NHS: variants seen among roughly 807,000 people sequenced by gnomAD.
The protein encoded by NHS is actin remodeling regulator NHS.
NHS carries 5 observed loss-of-function variants against 72.5 expected under a neutral mutation model. That is an observed-to-expected ratio of 0.07 (90% confidence interval 0.04 to 0.14). NHS has a LOEUF of 0.14. Among genes scored for constraint, NHS ranks in the 10% least tolerant of loss-of-function variants. NHS has a pLI of 1.00. For missense variants in NHS, 1,072 were observed against 1,355.7 expected, an observed-to-expected ratio of 0.79 and a Z score of 3.29; for synonymous variants, 464 against 547.7, an observed-to-expected ratio of 0.85 and a Z score of 2.13.
Position 17,375,752 on chromosome X carries a change from C to T in NHS, c.-6C>T. 8.7e-7 allele frequency: 1 copy of T among 1,153,426 alleles called. No individual in the cohort carries two copies. ...AGACCAGAAAGTCGCCGCCTGGCTGCGCGGGATGCCTTTCGCCAAGCGGAT... is the reference window on the plus strand; with the variant it reads ...AGACCAGAAAGTCGCCGCCTGGCTGTGCGGGATGCCTTTCGCCAAGCGGAT... On this transcript the variant is annotated 5_prime_UTR_variant, in exon 1 of 9. Coordinates refer to ENST00000676302, the MANE Select transcript of NHS (RefSeq NM_001291867.2).
At chrX:17,509,337 G>A (rs1215603461) in intron 1 of NHS, among the ~76,000 whole-genome samples, 3 of 110,057 alleles carry the variant, frequency 2.7e-5, no homozygotes, top group Non-Finnish European at 3.8e-5. Flanking sequence ...AGTGATTCTC[G>A]TGTCTCAGCC....
At chrX:17,689,784 G>T (rs1336283375) in intron 2 of NHS, among the ~76,000 whole-genome samples, 1 of 111,762 alleles carries the variant, frequency 8.9e-6, no homozygotes, top group African/African-American at 3.3e-5. Flanking sequence ...TCCTTTCTCA[G>T]GTCCCATCAT....
chrX:17,410,490 T>C (rs1601693751), intron 1 of NHS, among the ~76,000 whole-genome samples: 1 of 108,338 alleles, frequency 9.2e-6, no homozygotes, highest in East Asian at 2.9e-4. Flanking sequence ...GGAAACCAGA[T>C]TGACCTTTCT....
intron 1 of NHS, among the ~76,000 whole-genome samples, chrX:17,480,394 A>T (rs1380547600): frequency 8.9e-6 from 1 of 112,207 alleles, no homozygotes; most frequent in African/African-American, 3.2e-5. Flanking sequence ...CTACAAGGCT[A>T]CAGTAACCAA....
At chrX:17,433,108 C>T (rs1162802295) in intron 1 of NHS, among the ~76,000 whole-genome samples, 1 of 108,774 alleles carries the variant, frequency 9.2e-6, no homozygotes, top group East Asian at 2.9e-4. Flanking sequence ...CGGCTCACTG[C>T]AAGCTCTCCC....
chrX:17,606,968 C>T (rs1472590999), intron 1 of NHS, among the ~76,000 whole-genome samples: 5 of 112,167 alleles, frequency 4.5e-5, no homozygotes, highest in Non-Finnish European at 9.4e-5. Context: ...TTATGATCTT[C>T]GTTTTAAACG....
chrX:17,384,968 TCTTC>T, intron 1 of NHS, among the ~76,000 whole-genome samples: 1 of 112,078 alleles, frequency 8.9e-6, no homozygotes, highest in Non-Finnish European at 1.9e-5. Flanking sequence ...CATCAAGAAT[TCTTC>T]ATGAATCCTA....
At chrX:17,428,056 G>A (rs1371019439) in intron 1 of NHS, among the ~76,000 whole-genome samples, 1 of 111,674 alleles carries the variant, frequency 9.0e-6, no homozygotes, top group Non-Finnish European at 1.9e-5. Context: ...TAAGTCTGAG[G>A]AGCACTGGTG....
At chrX:17,507,586 C>T (rs575122522) in intron 1 of NHS, among the ~76,000 whole-genome samples, 3 of 112,052 alleles carry the variant, frequency 2.7e-5, no homozygotes, top group Non-Finnish European at 3.8e-5. Flanking sequence ...CCTTTTAGAA[C>T]GTAAGGCACT....
chrX:17,537,867 C>T lies in NHS; in HGVS notation c.566-149875C>T, dbSNP rs774558537. 6.7e-4 allele frequency among the ~76,000 whole-genome samples: 75 copies of T among 111,488 alleles called. 1 individual carries two copies. Among genetic ancestry groups the T allele is most frequent in the African/African-American group, 2.3e-3 (70 of 30,633 alleles). Reference sequence around the variant, plus strand: ...AATGCCCGACTGGAGGCTGGGGGCACGCGACGCCTGAATTGAATTTGGGCA... The same window carrying T: ...AATGCCCGACTGGAGGCTGGGGGCATGCGACGCCTGAATTGAATTTGGGCA... On this transcript the variant is annotated intron_variant, in intron 1 of 8. Coordinates refer to ENST00000676302, the MANE Select transcript of NHS (RefSeq NM_001291867.2).
rs149991870 is a variant in NHS, at chrX:17,685,486, C to T, written c.566-2256C>T. On this transcript the variant is annotated intron_variant, in intron 1 of 8. Coordinates refer to ENST00000676302, the MANE Select transcript of NHS (RefSeq NM_001291867.2). ...ATTACTCTTTGTATCTGTGAATTCA[C>T]AGTCCCAAGCAGCAGGCAGAGTTTA... is the stretch of plus-strand genomic sequence containing the variant. Among the ~76,000 whole-genome samples, 557 of 111,781 alleles carry T rather than the reference C, an allele frequency of 5.0e-3. 3 individuals carry two copies. Among genetic ancestry groups the T allele is most frequent in the African/African-American group, 0.018 (546 of 30,737 alleles).
rs187156620 is a variant in NHS at position 17,418,999 on chromosome X, T to C, written c.565+42677T>C. Among the ~76,000 whole-genome samples the C allele has an allele frequency of 4.0e-3, 447 of 112,654 alleles. 1 individual carries two copies. Among genetic ancestry groups the C allele is most frequent in the African/African-American group, 0.013 (410 of 31,051 alleles). On this transcript the variant is annotated intron_variant, in intron 1 of 8. Coordinates refer to ENST00000676302, the MANE Select transcript of NHS (RefSeq NM_001291867.2). ...CTTCCTTCTCTTGTGTATGTATTTG[T>C]GGATAGAACCAAAAAGGAATGGGAT...
At chrX:17,384,948 G>A (rs2064398257) in intron 1 of NHS, among the ~76,000 whole-genome samples, 2 of 111,787 alleles carry the variant, frequency 1.8e-5, no homozygotes, top group African/African-American at 6.5e-5. Context: ...ATTCCTGAAC[G>A]TTTTTCTTGC....
At chrX:17,619,046 G>A (rs2065760243) in intron 1 of NHS, among the ~76,000 whole-genome samples, 1 of 112,463 alleles carries the variant, frequency 8.9e-6, no homozygotes, top group Non-Finnish European at 1.9e-5. Context: ...GACACACAGA[G>A]AGACTACATT....
At chrX:17,517,843 G>A (rs1340289341) in intron 1 of NHS, among the ~76,000 whole-genome samples, 3 of 111,759 alleles carry the variant, frequency 2.7e-5, no homozygotes, top group Non-Finnish European at 5.6e-5. Flanking sequence ...TATCAGGGGA[G>A]AACTAATATT....
intron 1 of NHS, among the ~76,000 whole-genome samples, chrX:17,502,982 C>G (rs1010510626): frequency 3.6e-5 from 4 of 111,696 alleles, no homozygotes; most frequent in Non-Finnish European, 7.5e-5. Context: ...TCTTGTGCCT[C>G]CAGTATCCTG....
chrX:17,589,156 TATTTTTTA>T (rs199532289), intron 1 of NHS, among the ~76,000 whole-genome samples: 1,473 of 112,462 alleles, frequency 0.013, 23 homozygotes, highest in African/African-American at 0.044. Flanking sequence ...GTTTTATTTT[TATTTTTTA>T]ATTTTTTATT....
intron 1 of NHS, among the ~76,000 whole-genome samples, chrX:17,610,338 C>A (rs917180070): frequency 8.9e-6 from 1 of 112,376 alleles, no homozygotes; most frequent in Admixed American, 9.4e-5. Context: ...AAACATAATT[C>A]TTTGCCTCTC....
intron 1 of NHS, among the ~76,000 whole-genome samples, chrX:17,445,744 T>TAA (rs745406801): frequency 1.0e-4 from 6 of 57,182 alleles, no homozygotes; most frequent in African/African-American, 3.5e-4. Context: ...TACTCACTGC[T>TAA]AAAAAAAAAA....
Sources: allele counts gnomAD v4.1 joint callset (sites outside exome capture counted in the v4.1 genomes callset), GRCh38; gene constraint gnomAD v4.1.1; transcripts MANE v1.5; gene names NCBI Gene and HGNC (gene_info 2026-07-23, HGNC 2026-07-21).